ANAPC1: variants seen among roughly 807,000 people sequenced by gnomAD.
ANAPC1 encodes the protein anaphase promoting complex subunit 1.
In ANAPC1, 36 loss-of-function variants were observed where a neutral mutation model predicts 208.0. The ratio of observed to expected loss-of-function variants is 0.17; its 90% confidence interval spans 0.13 to 0.23. The LOEUF (loss-of-function observed/expected upper bound fraction) is 0.23, where lower values mean the gene tolerates loss of function less well. Ranked by LOEUF, ANAPC1 falls within the 10% of genes least tolerant of loss-of-function variation. The pLI is 1.00. For synonymous variants in ANAPC1, 378 were observed against 695.2 expected, an observed-to-expected ratio of 0.54 and a Z score of 7.18; for missense variants, 942 against 2,011.6, an observed-to-expected ratio of 0.47 and a Z score of 10.17.
intron 7 of ANAPC1, among the ~76,000 whole-genome samples, chr2:111,867,808 T>C (rs1682519089): frequency 6.6e-6 from 1 of 152,152 alleles, no homozygotes; most frequent in African/African-American, 2.4e-5. Context: ...AATAAATATA[T>C]CGGTATTCCT....
chr2:111,881,488 AAC>A (rs1458177264), intron 1 of ANAPC1, among the ~76,000 whole-genome samples: 1 of 152,166 alleles, frequency 6.6e-6, no homozygotes, highest in East Asian at 1.9e-4. Flanking sequence ...CTAGCCATGG[AAC>A]AGTTATGCTT....
intron 36 of ANAPC1, 47 bp from the exon 37 acceptor site, chr2:111,794,178 A>G (rs1289349006): frequency 6.7e-7 from 1 of 1,489,120 alleles, no homozygotes. Flanking sequence ...AGCATCTTAA[A>G]GCTTTGTTAA....
intron 10 of ANAPC1, among the ~76,000 whole-genome samples, chr2:111,859,767 A>C (rs923402468): frequency 6.6e-6 from 1 of 152,160 alleles, no homozygotes; most frequent in African/African-American, 2.4e-5. Flanking sequence ...CCTGCCTTAC[A>C]TATCTGATCA....
intron 13 of ANAPC1, among the ~76,000 whole-genome samples, chr2:111,855,868 T>C (rs546349155): frequency 6.6e-6 from 1 of 152,196 alleles, no homozygotes; most frequent in Non-Finnish European, 1.5e-5. Context: ...ATTATTCAAA[T>C]TGTATGTATT....
Position 111,850,819 on chromosome 2 carries a change from C to G in ANAPC1, c.1607G>C (p.Ser536Thr), listed in dbSNP as rs1475027538. 1.2e-6 allele frequency: 2 copies of G among 1,611,938 alleles called. No homozygotes were observed. Among genetic ancestry groups the G allele is most frequent in the Non-Finnish European group, 1.7e-6 (2 of 1,179,860 alleles). ...PRPSTPLDGV[S>T]TPKPLSKLLG... is the part of the protein sequence containing the mutation. ...GAGTTTACTAAGAGGCTTTGGAGTA[C>G]TAACGCCATCTAGTGGAGTACTGGG... Residue 536 changes from serine to threonine, a missense_variant, in exon 14 of 48, where the codon AGT becomes ACT. Physicochemically the swap from Ser to Thr is moderately conservative, Grantham distance 58. Transcript: ENST00000341068.
chr2:111,799,011 G>C (rs1678303904), intron 34 of ANAPC1, among the ~76,000 whole-genome samples: 1 of 151,144 alleles, frequency 6.6e-6, no homozygotes, highest in African/African-American at 2.4e-5. Context: ...TCCAGCCTGG[G>C]CGACAGAGCA....
intron 42 of ANAPC1, among the ~76,000 whole-genome samples, 189 bp from the exon 43 acceptor site, chr2:111,782,696 T>G (rs1171354648): frequency 6.6e-6 from 1 of 152,182 alleles, no homozygotes; most frequent in Non-Finnish European, 1.5e-5. Flanking sequence ...TCTGTTTTTC[T>G]TTGGTGTCTA....
At chr2:111,858,645 G>A (rs370166763) in intron 10 of ANAPC1, among the ~76,000 whole-genome samples, 10 of 151,904 alleles carry the variant, frequency 6.6e-5, no homozygotes, top group East Asian at 3.9e-4. Context: ...GCCTGTGGTC[G>A]CAGCTACTCT....
chr2:111,861,000 G>A (rs3845223), intron 10 of ANAPC1, among the ~76,000 whole-genome samples: 23 of 152,070 alleles, frequency 1.5e-4, no homozygotes, highest in African/African-American at 3.6e-4. Context: ...CCAAACTTCC[G>A]ACACACTTAT....
intron 18 of ANAPC1, among the ~76,000 whole-genome samples, chr2:111,836,600 T>C (rs1680481079): frequency 6.6e-6 from 1 of 151,118 alleles, no homozygotes; most frequent in Non-Finnish European, 1.5e-5. Flanking sequence ...TCAACTACGA[T>C]AGCATCACTG....
At chr2:111,843,345 T>C (rs1680871331) in intron 17 of ANAPC1, 67 bp downstream of exon 17, 1 of 1,529,374 alleles carries the variant, frequency 6.5e-7, no homozygotes, top group Middle Eastern at 2.3e-4. Context: ...CTCAATGTTA[T>C]ATTACCAATT....
chr2:111,880,215 A>G (rs1051764839), intron 2 of ANAPC1, among the ~76,000 whole-genome samples: 17 of 151,776 alleles, frequency 1.1e-4, no homozygotes, highest in African/African-American at 4.1e-4. Context: ...CACTACTAAA[A>G]ATACAAAATT....
chr2:111,834,526 T>A (rs73956893), intron 19 of ANAPC1, 78 bp downstream of exon 19: 2 of 846,068 alleles, frequency 2.4e-6, no homozygotes, highest in East Asian at 6.8e-5. Flanking sequence ...AAGGTCCCTA[T>A]ATGATACAAG....
At chr2:111,860,656 T>C (rs1342528354) in intron 10 of ANAPC1, among the ~76,000 whole-genome samples, 1 of 151,378 alleles carries the variant, frequency 6.6e-6, no homozygotes, top group Non-Finnish European at 1.5e-5. Context: ...TGTTCTTTTT[T>C]GTATTCTGTA....
chr2:111,833,371 G>C lies in ANAPC1; in HGVS notation c.2385-60C>G, dbSNP rs536045689. 3.4e-6 allele frequency: 5 copies of C among 1,492,148 alleles called. No individual in the cohort carries two copies. The East Asian group carries it at 9.2e-5, about 28-fold the overall frequency. The allele number at this position is 1,492,148 out of a possible 1,614,324, so 92.4% of individuals were successfully genotyped here. A position where few individuals can be genotyped will look rare whatever the true frequency, so the allele number is the denominator to read the frequency against. ...TACAGCACTTTCTCCCAACAGAATTGGAAGGATTGATTAGTTGAATCTTTT... is the reference window on the plus strand; with the variant it reads ...TACAGCACTTTCTCCCAACAGAATTCGAAGGATTGATTAGTTGAATCTTTT... On this transcript the variant is annotated intron_variant, in intron 19 of 47. Coordinates refer to ENST00000341068, the MANE Select transcript of ANAPC1 (RefSeq NM_022662.4).
At chr2:111,787,257 C>T (rs568346634) in intron 39 of ANAPC1, among the ~76,000 whole-genome samples, 4 of 147,384 alleles carry the variant, frequency 2.7e-5, no homozygotes, top group Non-Finnish European at 6.0e-5. Context: ...CTCCACTGTA[C>T]CCTAGCCAAT....
intron 9 of ANAPC1, among the ~76,000 whole-genome samples, chr2:111,863,266 T>C (rs1294157275): frequency 1.3e-5 from 2 of 151,342 alleles, no homozygotes; most frequent in African/African-American, 4.9e-5. Flanking sequence ...CCCCGCACTT[T>C]GGGAGGCCAA....
chr2:111,848,834 G>A (rs1357084472), intron 14 of ANAPC1, among the ~76,000 whole-genome samples: 1 of 151,562 alleles, frequency 6.6e-6, no homozygotes, highest in Non-Finnish European at 1.5e-5. Context: ...AAGAGCCCAG[G>A]AAGAAAGGAC....
At chr2:111,806,803 G>A (rs1272108044) in intron 29 of ANAPC1, among the ~76,000 whole-genome samples, 4 of 152,036 alleles carry the variant, frequency 2.6e-5, no homozygotes, top group Non-Finnish European at 5.9e-5. Context: ...CTACCGTGTT[G>A]AAAACGATAA....
Sources: allele counts gnomAD v4.1 joint callset (sites outside exome capture counted in the v4.1 genomes callset), GRCh38; gene constraint gnomAD v4.1.1; transcripts MANE v1.5; gene names NCBI Gene and HGNC (gene_info 2026-07-23, HGNC 2026-07-21).